Variants in FGFR3 observed in about 807,000 individuals in gnomAD.
The protein encoded by FGFR3 is fibroblast growth factor receptor 3.
A neutral mutation model predicts 82.9 loss-of-function variants in FGFR3; 25 were observed. The ratio of observed to expected loss-of-function variants is 0.30; its 90% confidence interval spans 0.22 to 0.42. The LOEUF (loss-of-function observed/expected upper bound fraction) is 0.42. FGFR3 is among the 10% of genes least tolerant of loss of function. FGFR3 has a pLI of 1.00. For missense variants in FGFR3, 1,026 were observed against 1,161.0 expected (o/e 0.88, Z 1.69); for synonymous variants, 620 against 516.0 (o/e 1.20, Z -2.73).
intron 17 of FGFR3, 39 bp from the exon 18 acceptor site, chr4:1,807,077 G>A (rs1239859797): frequency 6.4e-7 from 1 of 1,556,046 alleles, no homozygotes. Context: ...GCGAAGAGGG[G>A]CTCGGTGGCA....
rs888245970 is a variant in FGFR3 at position 1,804,807 on chromosome 4, C to G, written c.1267-17C>G. 2 of 1,549,256 alleles carry G rather than the reference C, an allele frequency of 1.3e-6. No homozygotes were observed. The highest frequency in any genetic ancestry group is 2.4e-5 in the South Asian group (2 of 84,034). ...GTCGCCCACGCGGCGCCAACCTGCC[C>G]CTGCTGACCCAAGCAGGTGTCCCTG... On this transcript the variant is annotated splice_polypyrimidine_tract_variant and intron_variant, in intron 9 of 17. Transcript: ENST00000440486.
At chr4:1,803,054 G>A (rs1560423944) in intron 7 of FGFR3, 1 of 1,595,478 alleles carries the variant, frequency 6.3e-7, no homozygotes, top group Non-Finnish European at 8.5e-7. Context: ...GCGTTCACGG[G>A]CCCCGAGCAG....
chr4:1,803,197 G>A (rs1721420622), intron 7 of FGFR3: 2 of 1,107,634 alleles, frequency 1.8e-6, no homozygotes, highest in Non-Finnish European at 2.4e-6. Context: ...GGCCGCCTCG[G>A]CAAGGCTGGC....
intron 15 of FGFR3, 71 bp downstream of exon 15, chr4:1,806,398 A>G (rs1264742414): frequency 3.7e-6 from 6 of 1,604,144 alleles, no homozygotes; most frequent in Non-Finnish European, 4.3e-6. Context: ...CCCCAGCTGC[A>G]GTCCCCAGGC....
intron 2 of FGFR3, among the ~76,000 whole-genome samples, chr4:1,796,253 G>A (rs1720496379): frequency 6.6e-6 from 1 of 152,118 alleles, no homozygotes; most frequent in African/African-American, 2.4e-5. Context: ...CTGTCCAAGA[G>A]AACCGATAAT....
rs1722262404 is a variant in FGFR3 at position 1,808,658 on chromosome 4, G to A, written c.*1396G>A. Reference sequence around the variant, plus strand: ...GACTGCTACCTTTCAAAGCTTGGAGGGAAGCCGTGAATTCAGTTGGTTCGT... The same window carrying A: ...GACTGCTACCTTTCAAAGCTTGGAGAGAAGCCGTGAATTCAGTTGGTTCGT... On this transcript the variant is annotated 3_prime_UTR_variant, in exon 18 of 18. Coordinates refer to ENST00000440486, the MANE Select transcript of FGFR3 (RefSeq NM_000142.5). 1 of 231,894 alleles carries A rather than the reference G, an allele frequency of 4.3e-6. No homozygotes were observed. The highest frequency in any genetic ancestry group is 5.6e-5 in the Admixed American group (1 of 17,706). The allele number at this position is 231,894 out of a possible 1,614,324, so 14.4% of individuals were successfully genotyped here.
At position 1,794,081 on chromosome 4, in the gene FGFR3, C is replaced by G. The variant is rs768483173; in HGVS notation, c.109+38C>G. 2.6e-5 allele frequency: 32 copies of G among 1,244,058 alleles called. 1 individual carries two copies. Among genetic ancestry groups the G allele is most frequent in the Non-Finnish European group, 2.5e-5 (24 of 953,570 alleles). The allele number at this position is 1,244,058 out of a possible 1,614,324, so 77.1% of individuals were successfully genotyped here. A position where few individuals can be genotyped will look rare whatever the true frequency, so the allele number is the denominator to read the frequency against. ...CCACTAGGCACGGGAGAGGCCGGCC[C>G]GTGCGGGCAGAGGCGTTGGGGACGG... On this transcript the variant is annotated intron_variant, in intron 2 of 17. Transcript: ENST00000440486.
At chr4:1,804,151 G>A (rs938379564) in intron 8 of FGFR3, among the ~76,000 whole-genome samples, 179 bp from the exon 9 acceptor site, 1 of 152,198 alleles carries the variant, frequency 6.6e-6, no homozygotes, top group African/African-American at 2.4e-5. Context: ...TTCTCTCCAG[G>A]GTCTGGCCCT....
At chr4:1,807,027 CG>C in intron 17 of FGFR3, 88 bp from the exon 18 acceptor site, 1 of 1,550,288 alleles carries the variant, frequency 6.5e-7, no homozygotes, top group Non-Finnish European at 8.7e-7. Context: ...AGGTGTGGGG[CG>C]GGCCTTCTGG....
chr4:1,795,788 A>T (rs1241588854), intron 2 of FGFR3, among the ~76,000 whole-genome samples: 1 of 152,040 alleles, frequency 6.6e-6, no homozygotes, highest in African/African-American at 2.4e-5. Flanking sequence ...GTCCCACCCC[A>T]CCCAGCAGGG....
intron 4 of FGFR3, 131 bp downstream of exon 4, chr4:1,799,943 T>A: frequency 9.9e-7 from 1 of 1,005,154 alleles, no homozygotes; most frequent in Non-Finnish European, 1.5e-6. Context: ...GAAGGTCTGG[T>A]CCCCTCAGGA....
intron 4 of FGFR3, among the ~76,000 whole-genome samples, chr4:1,800,366 G>T (rs969023915): frequency 6.6e-6 from 1 of 152,048 alleles, no homozygotes; most frequent in Non-Finnish European, 1.5e-5. Context: ...GGGTGGGGAG[G>T]TGGGGCTTCT....
rs1211533350 is a variant in FGFR3 at position 1,805,638 on chromosome 4, C to T, written c.1614C>T (p.Ile538=). Residue 538 remains isoleucine, a synonymous_variant, in exon 12 of 18, where the codon ATC becomes ATT. Coordinates refer to ENST00000440486, the MANE Select transcript of FGFR3 (RefSeq NM_000142.5). ...MMKMIGKHKN[I]INLLGACTQG... is the part of the protein sequence containing the mutation. ...AGATGATCGGGAAACACAAAAACAT[C>T]ATCAACCTGCTGGGCGCCTGCACGC... The T allele has an allele frequency of 2.5e-6, 4 of 1,613,272 alleles. No homozygotes were observed. Among genetic ancestry groups the T allele is most frequent in the Non-Finnish European group, 3.4e-6 (4 of 1,179,766 alleles).
At position 1,807,352 on chromosome 4, in the gene FGFR3, A is replaced by G; in HGVS notation, c.*90A>G. 6.7e-7 allele frequency: 1 copy of G among 1,501,452 alleles called. No individual in the cohort carries two copies. Among genetic ancestry groups the G allele is most frequent in the Non-Finnish European group, 9.0e-7 (1 of 1,113,912 alleles). 93.0% of individuals were successfully genotyped at this position (1,501,452 alleles called of 1,614,324 possible). A position where few individuals can be genotyped will look rare whatever the true frequency, so the allele number is the denominator to read the frequency against. ...CACTCCCCGGCATGAGACTCAGTGC[A>G]GATGGAGAGACAGCTACACAGAGCT... On this transcript the variant is annotated 3_prime_UTR_variant, in exon 18 of 18. Transcript: ENST00000440486.
At position 1,806,533 on chromosome 4, in the gene FGFR3, C is replaced by T; in HGVS notation, c.2031-13C>T. The T allele has an allele frequency of 2.5e-6, 4 of 1,612,948 alleles. No individual in the cohort carries two copies. Among genetic ancestry groups the T allele is most frequent in the African/African-American group, 1.3e-5 (1 of 75,012 alleles). ...GGAGTCTCAGGACAGCCTGACCTCA[C>T]CTTCCCCTGCAGCTGGTCCTTTGGG... is the stretch of plus-strand genomic sequence containing the variant. On this transcript the variant is annotated splice_polypyrimidine_tract_variant and intron_variant, in intron 15 of 17. Transcript: ENST00000440486.
At position 1,803,852 on chromosome 4, in the gene FGFR3, G is replaced by A. The variant is rs758471237; in HGVS notation, c.1075+16G>A. 6.2e-7 allele frequency: 1 copy of A among 1,611,372 alleles called. No individual in the cohort carries two copies. Among genetic ancestry groups the A allele is most frequent in the Non-Finnish European group, 8.5e-7 (1 of 1,178,392 alleles). ...GTGCTGCCAGGTACCGGCTTCTGCT[G>A]CTGCTGCTGCTCCGCACTGTCTGGG... is the stretch of plus-strand genomic sequence containing the variant. On this transcript the variant is annotated intron_variant, in intron 8 of 17. Transcript: ENST00000440486.
intron 3 of FGFR3, 76 bp from the exon 4 acceptor site, chr4:1,799,671 T>C (rs958815524): frequency 5.7e-6 from 9 of 1,587,104 alleles, no homozygotes; most frequent in Non-Finnish European, 7.7e-6. Context: ...TGGGGGACCC[T>C]GCCCCATCTG....
Position 1,799,389 on chromosome 4 carries a change from T to G in FGFR3, c.245T>G (p.Val82Gly). The G allele has an allele frequency of 1.2e-6, 2 of 1,612,438 alleles. No individual in the cohort carries two copies. The highest frequency in any genetic ancestry group is 1.7e-6 in the Non-Finnish European group (2 of 1,179,836). ...TVWVKDGTGL[V>G]PSERVLVGPQ... ...TGGGTCAAGGATGGCACAGGGCTGG[T>G]GCCCTCGGAGCGTGTCCTGGTGGGG... Residue 82 changes from valine (V) to glycine (G), a missense_variant, in exon 3 of 18, where the codon GTG (valine) becomes GGG (glycine). Around this residue, in one of 9 missense-constraint regions of FGFR3, gnomAD observed 226 missense variants for 222.0 expected, o/e 1.02. Coordinates refer to ENST00000440486, the MANE Select transcript of FGFR3 (RefSeq NM_000142.5).
At chr4:1,802,655 T>C (rs1721337041) in intron 7 of FGFR3, among the ~76,000 whole-genome samples, 1 of 151,838 alleles carries the variant, frequency 6.6e-6, no homozygotes, top group Admixed American at 6.5e-5. Context: ...AGGGTGCAGG[T>C]TCTGCAAGAG....
Sources: allele counts gnomAD v4.1 joint callset (sites outside exome capture counted in the v4.1 genomes callset), GRCh38; gene constraint gnomAD v4.1.1; regional missense constraint gnomAD v4.1.1; transcripts MANE v1.5; gene names NCBI Gene and HGNC (gene_info 2026-07-23, HGNC 2026-07-21).